The following PCDHA3 variants were observed in gnomAD, a reference collection of about 807,000 sequenced individuals.
PCDHA3 encodes the protein protocadherin alpha-3.
Under a neutral mutation model 62.2 loss-of-function variants are expected in PCDHA3, and 41 were observed. The observed-to-expected ratio is 0.66, with a 90% CI of 0.51 to 0.86. The LOEUF is 0.86. Ranked by LOEUF, PCDHA3 falls within the 40% of genes least tolerant of loss-of-function variation. The pLI is 0.00. For synonymous variants in PCDHA3, 640 were observed against 555.4 expected (o/e 1.15, Z -2.14); for missense variants, 1,304 against 1,241.2 (o/e 1.05, Z -0.76).
intron 1 of PCDHA3, among the ~76,000 whole-genome samples, chr5:140,872,414 C>T (rs138959813): frequency 1.3e-5 from 2 of 152,128 alleles, no homozygotes; most frequent in East Asian, 1.9e-4. Context: ...ATTGCTTGAG[C>T]CCAAGAGTTC....
chr5:140,977,345 T>C lies in PCDHA3; in HGVS notation c.2395-1604T>C, dbSNP rs139865600. Among the ~76,000 whole-genome samples, 25 of 152,342 alleles carry C rather than the reference T, an allele frequency of 1.6e-4. No homozygotes were observed. In the East Asian group the frequency reaches 4.8e-3, roughly 29 times the overall value. ...ATGGCGAGGGGAGAGACGGTGATGATGACTGATTGATAAAAAGTATTTTAG... is the reference window on the plus strand; with the variant it reads ...ATGGCGAGGGGAGAGACGGTGATGACGACTGATTGATAAAAAGTATTTTAG... On this transcript the variant is annotated intron_variant, in intron 1 of 3. Transcript: ENST00000522353.
intron 1 of PCDHA3, chr5:140,815,363 A>G (rs1247276822): frequency 6.6e-6 from 1 of 151,708 alleles, no homozygotes; most frequent in Non-Finnish European, 1.5e-5. Flanking sequence ...TTCCATAGGT[A>G]TTTTCTTTGT....
At chr5:140,877,443 C>G (rs376417721) in intron 1 of PCDHA3, 15 of 1,613,726 alleles carry the variant, frequency 9.3e-6, no homozygotes, top group African/African-American at 1.3e-5. Context: ...ACGGTGAGCC[C>G]GCGCTGACGT....
At chr5:140,941,195 C>T (rs1337267572) in intron 1 of PCDHA3, among the ~76,000 whole-genome samples, 39 of 106,424 alleles carry the variant, frequency 3.7e-4, no homozygotes, top group Non-Finnish European at 4.9e-4. Context: ...CTTTTTTTTT[C>T]TTTCTTCCTT....
chr5:140,980,873 T>C (rs1586863406), intron 2 of PCDHA3, among the ~76,000 whole-genome samples: 1 of 152,338 alleles, frequency 6.6e-6, no homozygotes, highest in East Asian at 1.9e-4. Context: ...TGCTTGGGTG[T>C]TCTCGGTCTT....
In PCDHA3 at chr5:140,802,937, G is replaced by T. The variant is rs782125982; in HGVS notation, c.1740G>T (p.Leu580=). The T allele has an allele frequency of 2.5e-6, 4 of 1,613,728 alleles. No individual in the cohort carries two copies. The Admixed American group carries it at 5.0e-5, about 20-fold the overall frequency. Residue 580 remains leucine (L), a synonymous_variant, in exon 1 of 4, where the codon CTG becomes CTT. Coordinates refer to ENST00000522353, the MANE Select transcript of PCDHA3 (RefSeq NM_018906.3). ...VGGIGGAVSE[L]VPRSVGAGHV... is the part of the protein sequence containing the mutation. The stretch of plus-strand genomic sequence containing the variant: ...GCATCGGTGGCGCAGTGAGCGAGCT[G>T]GTGCCGCGGTCAGTGGGTGCGGGCC...
rs782736508 is a variant in PCDHA3 at position 140,857,757 on chromosome 5, G to A, written c.2394+54166G>A. ...CCCGCGCTGCTGGCGTCTCCCGCTGGCAGCGCGGGCGGTGCAGTCAGTGAG... is the reference window on the plus strand; with the variant it reads ...CCCGCGCTGCTGGCGTCTCCCGCTGACAGCGCGGGCGGTGCAGTCAGTGAG... On this transcript the variant is annotated intron_variant, in intron 1 of 3. Coordinates refer to ENST00000522353, the MANE Select transcript of PCDHA3 (RefSeq NM_018906.3). 1.2e-5 allele frequency: 19 copies of A among 1,597,402 alleles called. No individual in the cohort carries two copies. In the East Asian group the frequency reaches 4.0e-4, roughly 34 times the overall value.
intron 1 of PCDHA3, among the ~76,000 whole-genome samples, chr5:140,904,088 TA>T (rs1486110849): frequency 9.8e-5 from 15 of 152,340 alleles, no homozygotes; most frequent in Admixed American, 2.6e-4. Flanking sequence ...GTTACATGAA[TA>T]ACTACTTTAG....
chr5:140,830,347 G>A (rs1771011399), intron 1 of PCDHA3: 5 of 1,614,100 alleles, frequency 3.1e-6, no homozygotes, highest in Non-Finnish European at 2.5e-6. Context: ...CGTACTCGCA[G>A]CAGAGGCGGC....
intron 1 of PCDHA3, among the ~76,000 whole-genome samples, chr5:140,845,892 T>C (rs1282025011): frequency 4.0e-5 from 6 of 149,784 alleles, no homozygotes; most frequent in African/African-American, 1.5e-4. Context: ...CAGAAAGTCG[T>C]TATGGCCTTC....
At chr5:140,876,935 C>G in intron 1 of PCDHA3, 1 of 1,613,746 alleles carries the variant, frequency 6.2e-7, no homozygotes, top group Non-Finnish European at 8.5e-7. Flanking sequence ...CAGAAGAACG[C>G]GCTGGTGTCC....
chr5:140,911,473 T>C (rs2075497981), intron 1 of PCDHA3, among the ~76,000 whole-genome samples: 1 of 152,180 alleles, frequency 6.6e-6, no homozygotes, highest in Non-Finnish European at 1.5e-5. Flanking sequence ...GATAAGACTC[T>C]CACTCAGGGC....
intron 1 of PCDHA3, chr5:140,841,215 G>C: frequency 7.1e-7 from 1 of 1,415,722 alleles, no homozygotes; most frequent in African/African-American, 1.4e-5. Flanking sequence ...TGTCTCTAAA[G>C]GCCGAACAAC....
rs566979917 is a variant in PCDHA3, at chr5:140,802,220, G to T, written c.1023G>T (p.Val341=). Reference sequence around the variant, plus strand: ...ACTGCACAGTTCTACTCGAAATTGTGGACATCAATGATAATGTACCTGAGT... The same window carrying T: ...ACTGCACAGTTCTACTCGAAATTGTTGACATCAATGATAATGTACCTGAGT... ...SDHCTVLLEI[V]DINDNVPELV... Residue 341 remains valine (V), a synonymous_variant, in exon 1 of 4, where the codon GTG becomes GTT. Coordinates refer to ENST00000522353, the MANE Select transcript of PCDHA3 (RefSeq NM_018906.3). 6 of 1,614,176 alleles carry T rather than the reference G, an allele frequency of 3.7e-6. No homozygotes were observed. In the East Asian group the frequency reaches 1.1e-4, roughly 30 times the overall value.
intron 1 of PCDHA3, chr5:140,853,122 T>A: frequency 1.9e-6 from 1 of 528,258 alleles, no homozygotes; most frequent in Non-Finnish European, 2.5e-6. Flanking sequence ...CTCATGATCC[T>A]CCCGCCTCAG....
intron 1 of PCDHA3, chr5:140,847,657 A>C (rs1362536934): frequency 3.3e-5 from 5 of 149,954 alleles, no homozygotes; most frequent in South Asian, 2.1e-4. Context: ...TTATTCATAG[A>C]TTATAAAGCT....
chr5:140,877,515 G>T (rs371100299), intron 1 of PCDHA3: 1 of 1,613,678 alleles, frequency 6.2e-7, no homozygotes, highest in African/African-American at 1.3e-5. Flanking sequence ...CGTCGTCGCG[G>T]GCCTCAGTGG....
At chr5:140,947,957 A>G (rs2094196859) in intron 1 of PCDHA3, among the ~76,000 whole-genome samples, 1 of 151,542 alleles carries the variant, frequency 6.6e-6, no homozygotes, top group African/African-American at 2.4e-5. Flanking sequence ...ATATTTTACA[A>G]TTAAGTATGT....
chr5:140,951,237 T>G (rs1405165070), intron 1 of PCDHA3, among the ~76,000 whole-genome samples: 2 of 152,200 alleles, frequency 1.3e-5, no homozygotes, highest in African/African-American at 4.8e-5. Flanking sequence ...GTCTTTACCT[T>G]TAGGAATGCA....
Sources: allele counts gnomAD v4.1 joint callset (sites outside exome capture counted in the v4.1 genomes callset), GRCh38; gene constraint gnomAD v4.1.1; transcripts MANE v1.5; gene names NCBI Gene and HGNC (gene_info 2026-07-23, HGNC 2026-07-21).